B3GNT6: variants seen among roughly 807,000 people sequenced by gnomAD.
The protein encoded by B3GNT6 is acetylgalactosaminyl-O-glycosyl-glycoprotein beta-1,3-N-acetylglucosaminyltransferase.
For missense variants in B3GNT6, 624 were observed against 568.6 expected, an observed-to-expected ratio of 1.10 and a Z score of -0.99; for synonymous variants, 300 against 270.0, an observed-to-expected ratio of 1.11 and a Z score of -1.09.
At chr11:77,038,651 G>C (rs903253039) in intron 1 of B3GNT6, among the ~76,000 whole-genome samples, 1 of 152,016 alleles carries the variant, frequency 6.6e-6, no homozygotes, top group Admixed American at 6.6e-5. Context: ...AGTTAAATAC[G>C]GGAAAGGTTG....
At chr11:77,037,737 C>T (rs1555027082) in intron 1 of B3GNT6, among the ~76,000 whole-genome samples, 7 of 150,486 alleles carry the variant, frequency 4.7e-5, no homozygotes. Flanking sequence ...TATGGCAAGA[C>T]ACTGTCTCTA....
In B3GNT6 at chr11:77,039,799, A is replaced by G; in HGVS notation, c.248A>G (p.Glu83Gly). The change falls in exon 2 of 2, where the codon GAG (glutamate) becomes GGG (glycine). Residue 83 changes from glutamate to glycine, a missense_variant. Coordinates refer to ENST00000622824, the MANE Select transcript of B3GNT6 (RefSeq NM_138706.5). ...NASANATADF[E>G]QLPARIQDFL... is the part of the protein sequence containing the mutation. ...TCGGCGAACGCCACGGCCGACTTCG[A>G]GCAGCTGCCCGCGCGCATCCAGGAC... The G allele has an allele frequency of 6.3e-7, 1 of 1,578,482 alleles. No homozygotes were observed. Among genetic ancestry groups the G allele is most frequent in the Non-Finnish European group, 8.6e-7 (1 of 1,168,158 alleles).
chr11:77,038,075 G>GAGGAGGCA (rs1949650512), intron 1 of B3GNT6, among the ~76,000 whole-genome samples: 1 of 1,892 alleles, frequency 5.3e-4, no homozygotes, highest in Non-Finnish European at 1.1e-3. Flanking sequence ...GGATGAGGGG[G>GAGGAGGCA]AGGGGATGAG....
chr11:77,041,205 G>A lies in B3GNT6; in HGVS notation c.*499G>A, dbSNP rs992773651. ...AGCTGGAGCTGGGCTGACAGTATCAGGTGGATCCCGCTTCCCCCTCCCCCA... is the reference window on the plus strand; with the variant it reads ...AGCTGGAGCTGGGCTGACAGTATCAAGTGGATCCCGCTTCCCCCTCCCCCA... On this transcript the variant is annotated 3_prime_UTR_variant, in exon 2 of 2. Coordinates refer to ENST00000622824, the MANE Select transcript of B3GNT6 (RefSeq NM_138706.5). The A allele has an allele frequency of 1.3e-5, 2 of 154,538 alleles. No individual in the cohort carries two copies. Among genetic ancestry groups the A allele is most frequent in the African/African-American group, 4.8e-5 (2 of 41,564 alleles). The allele number at this position is 154,538 out of a possible 1,614,324, so 9.6% of individuals were successfully genotyped here.
chr11:77,037,623 T>C (rs1300099382), intron 1 of B3GNT6, among the ~76,000 whole-genome samples: 1 of 151,524 alleles, frequency 6.6e-6, no homozygotes, highest in Non-Finnish European at 1.5e-5. Context: ...AGGTTATTAT[T>C]AGAGAGGTCA....
chr11:77,040,504 G>C lies in B3GNT6; in HGVS notation c.953G>C (p.Arg318Pro), dbSNP rs782090275. 68 of 1,545,112 alleles carry C rather than the reference G, an allele frequency of 4.4e-5. No homozygotes were observed. The highest frequency in any genetic ancestry group is 5.6e-5 in the Non-Finnish European group (64 of 1,151,616). Residue 318 changes from arginine to proline, a missense_variant, in exon 2 of 2, where the codon CGC becomes CCC. Physicochemically the swap from Arg to Pro is moderately radical, Grantham distance 103. Coordinates refer to ENST00000622824, the MANE Select transcript of B3GNT6 (RefSeq NM_138706.5). The stretch of plus-strand genomic sequence containing the variant: ...GCCTACATGGGCATGTGTCTGGAGC[G>C]CGCCGGCCTGGCGCCCAGCGGCCAC... ...DDAYMGMCLE[R>P]AGLAPSGHEG...
In B3GNT6 at chr11:77,040,302, A is replaced by G; in HGVS notation, c.751A>G (p.Met251Val). The change falls in exon 2 of 2, where the codon ATG becomes GTG. Residue 251 changes from methionine to valine, a missense_variant. Coordinates refer to ENST00000622824, the MANE Select transcript of B3GNT6 (RefSeq NM_138706.5). ...CCGCCACCTGTTCTCCGGCCAGCTC[A>G]TGGAGGGCTCCGTGCCCATCCGCGA... ...PGRHLFSGQL[M>V]EGSVPIRDSW... 1 of 1,586,136 alleles carries G rather than the reference A, an allele frequency of 6.3e-7. No individual in the cohort carries two copies. Among genetic ancestry groups the G allele is most frequent in the Non-Finnish European group, 8.5e-7 (1 of 1,173,956 alleles).
Position 77,040,534 on chromosome 11 carries a change from G to C in B3GNT6, c.983G>C (p.Gly328Ala). Residue 328 changes from glycine (G) to alanine (A), a missense_variant, in exon 2 of 2, where the codon GGC becomes GCC. Gly to Ala is a moderately conservative substitution (Grantham distance 60). Transcript: ENST00000622824. ...GGCCTGGCGCCCAGCGGCCACGAGG[G>C]CATCCGACCCTTCGGCGTGCAGCTG... The part of the protein sequence containing the change: ...RAGLAPSGHE[G>A]IRPFGVQLPG... 6.4e-7 allele frequency: 1 copy of C among 1,568,410 alleles called. No individual in the cohort carries two copies. Among genetic ancestry groups the C allele is most frequent in the Admixed American group, 1.8e-5 (1 of 55,708 alleles).
In B3GNT6 at chr11:77,040,939, T is replaced by C. The variant is rs1949682695; in HGVS notation, c.*233T>C. 3.3e-6 allele frequency: 2 copies of C among 601,010 alleles called. No individual in the cohort carries two copies. Among genetic ancestry groups the C allele is most frequent in the Non-Finnish European group, 5.2e-6 (2 of 386,778 alleles). The allele number at this position is 601,010 out of a possible 1,614,324, so 37.2% of individuals were successfully genotyped here. Reference sequence around the variant, plus strand: ...CCAGACATGTTAAGTATTTTTTAAGTTCCTCCAGTGATGCGAATGTGCAGC... The same window carrying C: ...CCAGACATGTTAAGTATTTTTTAAGCTCCTCCAGTGATGCGAATGTGCAGC... On this transcript the variant is annotated 3_prime_UTR_variant, in exon 2 of 2. Transcript: ENST00000622824.
chr11:77,035,862 T>C (rs1044214545), intron 1 of B3GNT6, among the ~76,000 whole-genome samples: 19 of 152,238 alleles, frequency 1.2e-4, no homozygotes, highest in Non-Finnish European at 2.4e-4. Flanking sequence ...ATCCGTTTTA[T>C]CAGAGTAAAC....
chr11:77,034,677 C>T (rs1949620729), intron 1 of B3GNT6, among the ~76,000 whole-genome samples, 199 bp downstream of exon 1: 1 of 152,104 alleles, frequency 6.6e-6, no homozygotes, highest in African/African-American at 2.4e-5. Context: ...GGGCCAAGGC[C>T]CTAATAGCTA....
In B3GNT6 at chr11:77,041,190, G is replaced by C. The variant is rs1949684343; in HGVS notation, c.*484G>C. 1 of 156,234 alleles carries C rather than the reference G, an allele frequency of 6.4e-6. No individual in the cohort carries two copies. Among genetic ancestry groups the C allele is most frequent in the Non-Finnish European group, 1.4e-5 (1 of 71,036 alleles). 9.7% of individuals were successfully genotyped at this position (156,234 alleles called of 1,614,324 possible). A position where few individuals can be genotyped will look rare whatever the true frequency, so the allele number is the denominator to read the frequency against. On this transcript the variant is annotated 3_prime_UTR_variant, in exon 2 of 2. Coordinates refer to ENST00000622824, the MANE Select transcript of B3GNT6 (RefSeq NM_138706.5). ...TTTACAAGTGAGTGGAGCTGGAGCT[G>C]GGCTGACAGTATCAGGTGGATCCCG...
chr11:77,035,007 A>G (rs1555026776), intron 1 of B3GNT6, among the ~76,000 whole-genome samples: 2 of 152,136 alleles, frequency 1.3e-5, no homozygotes, highest in African/African-American at 4.8e-5. Flanking sequence ...AAAAATATAA[A>G]AATTACCTGG....
In B3GNT6 at chr11:77,040,401, G is replaced by A. The variant is rs1949675970; in HGVS notation, c.850G>A (p.Gly284Ser). Residue 284 changes from glycine (G) to serine (S), a missense_variant, in exon 2 of 2, where the codon GGC becomes AGC. Physicochemically the swap from Gly to Ser is moderately conservative, Grantham distance 56 (BLOSUM62 0). Coordinates refer to ENST00000622824, the MANE Select transcript of B3GNT6 (RefSeq NM_138706.5). ...SAYPVYCSGG[G>S]FLLSGPTARA... is the part of the protein sequence containing the mutation. ...TTACCCGGTGTACTGCAGCGGCGGC[G>A]GCTTCCTCCTGTCCGGCCCCACGGC... The A allele has an allele frequency of 1.3e-6, 2 of 1,531,480 alleles. No individual in the cohort carries two copies. The highest frequency in any genetic ancestry group is 1.4e-5 in the African/African-American group (1 of 72,658). 94.9% of individuals were successfully genotyped at this position (1,531,480 alleles called of 1,614,324 possible). A position where few individuals can be genotyped will look rare whatever the true frequency, so the allele number is the denominator to read the frequency against.
At chr11:77,039,417 C>T in intron 1 of B3GNT6, 135 bp from the exon 2 acceptor site, 4 of 1,467,096 alleles carry the variant, frequency 2.7e-6, no homozygotes, top group Non-Finnish European at 3.6e-6. Context: ...GATTTTGATT[C>T]CTTTTTACCA....
intron 1 of B3GNT6, among the ~76,000 whole-genome samples, chr11:77,038,078 GGGATGA>G (rs1949650657): frequency 2.3e-3 from 1 of 442 alleles, no homozygotes. Flanking sequence ...TGAGGGGGAG[GGGATGA>G]GGGGGAGGAG....
At chr11:77,038,136 G>GAAT (rs1949652875) in intron 1 of B3GNT6, among the ~76,000 whole-genome samples, 1 of 89,024 alleles carries the variant, frequency 1.1e-5, no homozygotes, top group Non-Finnish European at 2.3e-5. Flanking sequence ...GGGAGGAGGG[G>GAAT]GAGGAGGAGG....
intron 1 of B3GNT6, among the ~76,000 whole-genome samples, chr11:77,035,689 A>G (rs1555026849): frequency 6.6e-6 from 1 of 152,236 alleles, no homozygotes; most frequent in Non-Finnish European, 1.5e-5. Context: ...AAAAAGAACC[A>G]TAGAGAGAAA....
chr11:77,040,510 G>T lies in B3GNT6; in HGVS notation c.959G>T (p.Gly320Val). Residue 320 changes from glycine to valine, a missense_variant, in exon 2 of 2, where the codon GGC becomes GTC. By Grantham distance (109) the Gly-to-Val change is moderately radical. Transcript: ENST00000622824. ...AYMGMCLERA[G>V]LAPSGHEGIR... Reference sequence around the variant, plus strand: ...ATGGGCATGTGTCTGGAGCGCGCCGGCCTGGCGCCCAGCGGCCACGAGGGC... The same window carrying T: ...ATGGGCATGTGTCTGGAGCGCGCCGTCCTGGCGCCCAGCGGCCACGAGGGC... The T allele has an allele frequency of 6.5e-7, 1 of 1,550,098 alleles. No individual in the cohort carries two copies. Among genetic ancestry groups the T allele is most frequent in the Non-Finnish European group, 8.7e-7 (1 of 1,154,452 alleles).
Sources: gnomAD v4.1 joint callset for allele counts (sites outside exome capture counted in the v4.1 genomes callset) on GRCh38, gnomAD v4.1.1 for gene constraint, MANE v1.5 for transcripts, NCBI Gene and HGNC (gene_info 2026-07-23, HGNC 2026-07-21) for gene names.